The following UNC80 variants were observed in gnomAD, a reference collection of about 807,000 sequenced individuals.
UNC80 encodes the protein unc-80 subunit of NALCN channel complex, also known as protein unc-80 homolog.
Under a neutral mutation model 384.6 loss-of-function variants are expected in UNC80, and 164 were observed. The ratio of observed to expected loss-of-function variants is 0.43; its 90% CI spans 0.38 to 0.49. The LOEUF (loss-of-function observed/expected upper bound fraction) is 0.49, where lower values mean the gene tolerates loss of function less well. Ranked by LOEUF, UNC80 falls within the 20% of genes least tolerant of loss-of-function variation. The pLI, the probability that UNC80 is intolerant of heterozygous loss-of-function variation, is 0.00. For missense variants in UNC80, 3,330 were observed against 4,143.0 expected (o/e 0.80, Z 5.39); for synonymous variants, 1,486 against 1,527.8 (o/e 0.97, Z 0.64).
Position 209,839,534 on chromosome 2 carries a change from C to T in UNC80, c.3250+104C>T. 8.4e-7 allele frequency: 1 copy of T among 1,187,326 alleles called. No individual in the cohort carries two copies. Among genetic ancestry groups the T allele is most frequent in the Non-Finnish European group, 1.2e-6 (1 of 835,042 alleles). The allele number at this position is 1,187,326 out of a possible 1,614,324, so 73.5% of individuals were successfully genotyped here. On this transcript the variant is annotated intron_variant, in intron 19 of 64. Coordinates refer to ENST00000673920, the MANE Select transcript of UNC80 (RefSeq NM_001371986.1). The surrounding 1 kb of genome is among the most constrained non-coding windows in gnomAD (Gnocchi z 4.1). ...GGGCCGAAAAAGAAGACCTTCAAGT[C>T]ATAAGACCTAGACTGACTTCATTCA...
At chr2:209,838,240 T>C (rs533159859) in intron 18 of UNC80, among the ~76,000 whole-genome samples, 4 of 151,884 alleles carry the variant, frequency 2.6e-5, no homozygotes, top group Non-Finnish European at 2.9e-5. Flanking sequence ...ATAGTAACCA[T>C]TGTTTTCTCT....
At chr2:209,817,789 T>G in intron 10 of UNC80, 23 bp from the exon 11 acceptor site, 1 of 1,551,402 alleles carries the variant, frequency 6.4e-7, no homozygotes, top group South Asian at 1.2e-5. Flanking sequence ...AACCCTCTTG[T>G]GGGGTGCTCT....
At position 209,888,051 on chromosome 2, in the gene UNC80, C is replaced by T. The variant is rs1379211100; in HGVS notation, c.4111-44C>T. On this transcript the variant is annotated intron_variant, in intron 25 of 64. Transcript: ENST00000673920. The stretch of plus-strand genomic sequence containing the variant: ...GGCTTGCCGCGAGACCAATGCAGTG[C>T]TGGGGAGATGCCAGCACTCATGTGC... The T allele has an allele frequency of 2.6e-6, 4 of 1,547,448 alleles. No individual in the cohort carries two copies. In the Admixed American group the frequency reaches 7.9e-5, roughly 30 times the overall value.
At chr2:209,989,052 C>G (rs1182749021) in intron 61 of UNC80, among the ~76,000 whole-genome samples, 4 of 152,096 alleles carry the variant, frequency 2.6e-5, no homozygotes, top group Non-Finnish European at 5.9e-5. Context: ...GTGGCTCATG[C>G]CTGTAATTCC....
intron 18 of UNC80, among the ~76,000 whole-genome samples, chr2:209,838,157 A>G (rs540413179): frequency 3.6e-4 from 55 of 151,910 alleles, no homozygotes; most frequent in Non-Finnish European, 2.6e-4. Context: ...GCGGTGATAT[A>G]AGCTTTGGAT....
chr2:209,888,704 C>T (rs1159697459), intron 26 of UNC80, among the ~76,000 whole-genome samples: 1 of 152,070 alleles, frequency 6.6e-6, no homozygotes, highest in Admixed American at 6.5e-5. Flanking sequence ...CAACTTCCGC[C>T]TCCCAGGTTC....
intron 40 of UNC80, 105 bp downstream of exon 40, chr2:209,935,913 T>G: frequency 1.5e-6 from 1 of 661,304 alleles, no homozygotes; most frequent in Non-Finnish European, 2.6e-6. Flanking sequence ...TTTAAATGGA[T>G]GTATGCATTT....
Position 209,829,367 on chromosome 2 carries a change from C to G in UNC80, c.2614C>G (p.Pro872Ala). ...TGCTTTGCTAGGATTTTGTATGGAG[C>G]CGGTCACTGACAGTAAGTAAAGCTG... ...LHALLGFCME[P>A]VTDNKAGFGN... The change falls in exon 15 of 65, where the codon CCG becomes GCG. Residue 872 changes from proline (P) to alanine (A), a missense_variant. Around this residue, in one of 8 missense-constraint regions of UNC80, gnomAD observed 937 missense variants for 1,026.8 expected, o/e 0.91. Transcript: ENST00000673920. The G allele has an allele frequency of 6.4e-7, 1 of 1,551,104 alleles. No individual in the cohort carries two copies. The highest frequency in any genetic ancestry group is 8.7e-7 in the Non-Finnish European group (1 of 1,146,678).
intron 40 of UNC80, among the ~76,000 whole-genome samples, chr2:209,936,263 T>G (rs940397060): frequency 6.6e-6 from 1 of 152,172 alleles, no homozygotes; most frequent in African/African-American, 2.4e-5. Flanking sequence ...ATTCAAACGC[T>G]GCCTTCACCA....
At position 209,813,661 on chromosome 2, in the gene UNC80, G is replaced by T. The variant is rs201456301; in HGVS notation, c.1020G>T (p.Gln340His). ...FDVAVLRCLL[Q>H]PHWSEEGTQW... is the part of the protein sequence containing the mutation. ...TTGCTGTTCTGCGCTGCCTACTTCAGCCCCATTGGTCTGAGGAAGGCACTC... is the reference window on the plus strand; with the variant it reads ...TTGCTGTTCTGCGCTGCCTACTTCATCCCCATTGGTCTGAGGAAGGCACTC... The change falls in exon 8 of 65, where the codon CAG (glutamine) becomes CAT (histidine). Residue 340 changes from glutamine to histidine, a missense_variant. Gln to His is a conservative substitution (Grantham distance 24). Transcript: ENST00000673920. The T allele has an allele frequency of 1.3e-3, 2,088 of 1,551,750 alleles. 2 individuals are homozygous for T. Among genetic ancestry groups the T allele is most frequent in the Non-Finnish European group, 1.7e-3 (1,917 of 1,147,028 alleles).
At chr2:209,943,731 G>C (rs1237578304) in intron 45 of UNC80, among the ~76,000 whole-genome samples, 2 of 152,218 alleles carry the variant, frequency 1.3e-5, no homozygotes, top group Admixed American at 1.3e-4. Context: ...GAAGCTGCAG[G>C]TGAACTAACT....
intron 47 of UNC80, among the ~76,000 whole-genome samples, 181 bp downstream of exon 47, chr2:209,946,124 G>A (rs2091902738): frequency 6.6e-6 from 1 of 152,180 alleles, no homozygotes; most frequent in Non-Finnish European, 1.5e-5. Context: ...ACTTTGGAAG[G>A]CTGAGGCAAG....
intron 7 of UNC80, among the ~76,000 whole-genome samples, chr2:209,797,079 CT>C (rs1431677393): frequency 4.6e-5 from 7 of 152,100 alleles, no homozygotes; most frequent in African/African-American, 1.2e-4. Flanking sequence ...AGTCTGTGGC[CT>C]TTTGAATCTG....
At chr2:209,809,348 C>T (rs1319542732) in intron 7 of UNC80, 1 of 850,730 alleles carries the variant, frequency 1.2e-6, no homozygotes, top group South Asian at 1.3e-5. Context: ...TGCGGGAAGG[C>T]CTTCTCCAGA....
chr2:209,852,573 A>G (rs2082606921), intron 22 of UNC80, among the ~76,000 whole-genome samples: 1 of 152,128 alleles, frequency 6.6e-6, no homozygotes, highest in Non-Finnish European at 1.5e-5. Context: ...TCAGCTATGG[A>G]AAGTGAAGGA....
chr2:209,819,196 G>C lies in UNC80; in HGVS notation c.1897G>C (p.Glu633Gln), dbSNP rs1255398339. The C allele has an allele frequency of 6.4e-7, 1 of 1,551,980 alleles. No homozygotes were observed. Among genetic ancestry groups the C allele is most frequent in the Non-Finnish European group, 8.7e-7 (1 of 1,147,072 alleles). Residue 633 changes from glutamate (E) to glutamine (Q), a missense_variant, in exon 12 of 65, where the codon GAG becomes CAG. Around this residue, in one of 8 missense-constraint regions of UNC80, gnomAD observed 937 missense variants for 1,026.8 expected, o/e 0.91. Coordinates refer to ENST00000673920, the MANE Select transcript of UNC80 (RefSeq NM_001371986.1). ...CTCCTGCATAAACTACAGCTACCTA[G>C]AGGACACAGAACATATTGACGGGAC... is the stretch of plus-strand genomic sequence containing the variant. The part of the protein sequence containing the change: ...TDSCINYSYL[E>Q]DTEHIDGTNN...
chr2:209,958,529 A>T (rs2092486920), intron 49 of UNC80, among the ~76,000 whole-genome samples: 2 of 152,184 alleles, frequency 1.3e-5, no homozygotes, highest in Non-Finnish European at 2.9e-5. Context: ...ATAAAACAAA[A>T]ATAAATTCCA....
At chr2:209,898,785 G>A (rs2087069048) in intron 28 of UNC80, among the ~76,000 whole-genome samples, 1 of 152,014 alleles carries the variant, frequency 6.6e-6, no homozygotes, top group South Asian at 2.1e-4. Flanking sequence ...GCCAGCCTCT[G>A]GTAACCATCT....
At chr2:209,898,020 A>C (rs1259683427) in intron 28 of UNC80, among the ~76,000 whole-genome samples, 2 of 152,174 alleles carry the variant, frequency 1.3e-5, no homozygotes, top group African/African-American at 4.8e-5. Flanking sequence ...AAGATTGTTT[A>C]TAATATTCTG....
Sources: gnomAD v4.1 joint callset for allele counts (sites outside exome capture counted in the v4.1 genomes callset) on GRCh38, gnomAD v4.1.1 for gene constraint, gnomAD v4.1.1 regional missense constraint, Gnocchi (gnomAD v3.1) non-coding constraint, MANE v1.5 for transcripts, NCBI Gene and HGNC (gene_info 2026-07-23, HGNC 2026-07-21) for gene names.